Variants in NDEL1 observed in about 807,000 individuals in gnomAD.
The protein encoded by NDEL1 is nuclear distribution protein nudE-like 1.
A neutral mutation model predicts 45.7 loss-of-function variants in NDEL1; 9 were observed. The ratio of observed to expected loss-of-function variants is 0.20; its 90% CI spans 0.12 to 0.34. NDEL1 has a LOEUF of 0.34. NDEL1 is among the 10% of genes least tolerant of loss of function. The pLI is 1.00. For missense variants in NDEL1, 306 were observed against 406.2 expected (o/e 0.75, Z 2.12); for synonymous variants, 133 against 158.6 (o/e 0.84, Z 1.21).
At chr17:8,463,335 AT>A (rs1225524132) in intron 8 of NDEL1, 6 of 1,612,898 alleles carry the variant, frequency 3.7e-6, no homozygotes, top group Non-Finnish European at 5.1e-6. Context: ...AAAAAGTCAT[AT>A]TTCCCACGTT....
At chr17:8,444,138 C>G in intron 1 of NDEL1, 122 bp from the exon 2 acceptor site, 1 of 631,458 alleles carries the variant, frequency 1.6e-6, no homozygotes. Flanking sequence ...GAGTTAACCA[C>G]TGGAATCTCT....
At chr17:8,422,841 A>G (rs752040636) in intron 1 of NDEL1, among the ~76,000 whole-genome samples, 1 of 151,228 alleles carries the variant, frequency 6.6e-6, no homozygotes, top group South Asian at 2.1e-4. Context: ...GGTTCAAGCA[A>G]TTCTCTGCCT....
chr17:8,453,401 A>T (rs1000441722), intron 6 of NDEL1, among the ~76,000 whole-genome samples: 6 of 152,256 alleles, frequency 3.9e-5, no homozygotes, highest in Non-Finnish European at 7.3e-5. Context: ...GTGCATTTTT[A>T]AAGTACATTA....
chr17:8,438,113 G>A (rs969804693), intron 1 of NDEL1, among the ~76,000 whole-genome samples: 3 of 151,868 alleles, frequency 2.0e-5, no homozygotes, highest in African/African-American at 7.3e-5. Context: ...TGCGCACCAC[G>A]ATGCCCTGCT....
intron 8 of NDEL1, chr17:8,466,352 A>G (rs1911589919): frequency 6.5e-6 from 1 of 153,082 alleles, no homozygotes. Flanking sequence ...ACATTTATTT[A>G]TACACACTCC....
intron 1 of NDEL1, among the ~76,000 whole-genome samples, chr17:8,439,028 G>A (rs1909552829): frequency 6.9e-6 from 1 of 145,284 alleles, no homozygotes; most frequent in Non-Finnish European, 1.5e-5. Context: ...TGCAAGTTCT[G>A]CCTCCCGGGT....
chr17:8,451,020 A>G (rs1365683663), intron 6 of NDEL1, 67 bp downstream of exon 6: 2 of 1,473,512 alleles, frequency 1.4e-6, no homozygotes, highest in African/African-American at 1.4e-5. Context: ...TTGTTGCTGA[A>G]GGCGGTTGCT....
intron 8 of NDEL1, among the ~76,000 whole-genome samples, chr17:8,460,705 G>A (rs538170894): frequency 6.6e-6 from 1 of 152,300 alleles, no homozygotes; most frequent in African/African-American, 2.4e-5. Flanking sequence ...ATTTCAGTTA[G>A]TATGGAAGTA....
upstream of NDEL1, among the ~76,000 whole-genome samples, chr17:8,431,048 G>A (rs1908987469): frequency 6.6e-6 from 1 of 152,234 alleles, no homozygotes; most frequent in South Asian, 2.1e-4. Flanking sequence ...TTTGGGTCCA[G>A]GCCGCGTGGG....
chr17:8,427,022 C>T (rs2151696839), intron 1 of NDEL1, among the ~76,000 whole-genome samples: 1 of 152,316 alleles, frequency 6.6e-6, no homozygotes, highest in South Asian at 2.1e-4. Flanking sequence ...GAGCCAAGGG[C>T]CAGAAGCAGG....
At position 8,450,894 on chromosome 17, in the gene NDEL1, T is replaced by A. The variant is rs1910456045; in HGVS notation, c.641T>A (p.Leu214His). 6.2e-7 allele frequency: 1 copy of A among 1,612,964 alleles called. No homozygotes were observed. Among genetic ancestry groups the A allele is most frequent in the African/African-American group, 1.3e-5 (1 of 74,876 alleles). ...ATGGACTCCGCCGTCCAAGCATCAC[T>A]TTCTTTGCCAGCTACCCCTGTTGGC... ...EKMDSAVQAS[L>H]SLPATPVGKG... The change falls in exon 6 of 9, where the codon CTT becomes CAT. Residue 214 changes from leucine to histidine, a missense_variant. Physicochemically the swap from Leu to His is moderately conservative, Grantham distance 99 (BLOSUM62 -3). Around this residue, in one of 3 missense-constraint regions of NDEL1, gnomAD observed 175 missense variants for 205.2 expected, o/e 0.85. Coordinates refer to ENST00000334527, the MANE Select transcript of NDEL1 (RefSeq NM_030808.5).
At chr17:8,450,297 A>AC (rs1910397354) in intron 5 of NDEL1, among the ~76,000 whole-genome samples, 1 of 145,936 alleles carries the variant, frequency 6.9e-6, no homozygotes. Context: ...TCAAAAAAAA[A>AC]AAAAAACGCT....
intron 7 of NDEL1, among the ~76,000 whole-genome samples, chr17:8,458,003 C>T (rs1418848918): frequency 2.0e-5 from 3 of 152,088 alleles, no homozygotes; most frequent in Non-Finnish European, 4.4e-5. Context: ...GAAAGCGTGT[C>T]CCCATTTATT....
intron 1 of NDEL1, among the ~76,000 whole-genome samples, chr17:8,417,874 C>A (rs1256733442): frequency 6.6e-6 from 1 of 152,226 alleles, no homozygotes; most frequent in Admixed American, 6.5e-5. Context: ...CCTCCTTCTC[C>A]TGCTGGGGTG....
chr17:8,457,828 CA>C (rs5819196), intron 7 of NDEL1, among the ~76,000 whole-genome samples: 138,776 of 152,202 alleles, frequency 0.91, 64,647 homozygotes, highest in East Asian at 1. Flanking sequence ...TCCTGTATTT[CA>C]GCCTTTTACT....
intron 7 of NDEL1, among the ~76,000 whole-genome samples, chr17:8,455,688 CAAAAAA>C (rs34198702): frequency 9.4e-6 from 1 of 106,436 alleles, no homozygotes. Context: ...GACTCCATCT[CAAAAAA>C]AAAAAAAAAA....
At position 8,467,412 on chromosome 17, in the gene NDEL1, T is replaced by A; in HGVS notation, c.*389T>A. 2.5e-6 allele frequency: 1 copy of A among 408,060 alleles called. No individual in the cohort carries two copies. 25.3% of individuals were successfully genotyped at this position (408,060 alleles called of 1,614,324 possible). On this transcript the variant is annotated 3_prime_UTR_variant, in exon 9 of 9. Transcript: ENST00000334527. This position sits in a 1 kb window ranked among gnomAD's most constrained non-coding sequence, Gnocchi z 6.3. ...GACATTGCAAATCTTCTAGAAGTTC[T>A]CCCCCAAATCAGGTCAATGTGTGCC...
At chr17:8,437,179 G>C (rs1847817561) in intron 1 of NDEL1, among the ~76,000 whole-genome samples, 1 of 152,122 alleles carries the variant, frequency 6.6e-6, no homozygotes, top group Non-Finnish European at 1.5e-5. Context: ...TTAAGTCATG[G>C]GCTGAAGAGA....
At chr17:8,460,809 T>C (rs746840926) in intron 8 of NDEL1, among the ~76,000 whole-genome samples, 12 of 152,248 alleles carry the variant, frequency 7.9e-5, no homozygotes, top group Non-Finnish European at 1.6e-4. Context: ...TTTATGCATC[T>C]GCTCTAAGTT....
Sources: gnomAD v4.1 joint callset for allele counts (sites outside exome capture counted in the v4.1 genomes callset) on GRCh38, gnomAD v4.1.1 for gene constraint, gnomAD v4.1.1 regional missense constraint, Gnocchi (gnomAD v3.1) non-coding constraint, MANE v1.5 for transcripts, NCBI Gene and HGNC (gene_info 2026-07-23, HGNC 2026-07-21) for gene names.